KLHL32: variants seen among roughly 807,000 people sequenced by gnomAD.
KLHL32 encodes kelch like family member 32.
Under a neutral mutation model 64.8 loss-of-function variants are expected in KLHL32, and 35 were observed. The ratio of observed to expected loss-of-function variants is 0.54; its 90% CI spans 0.41 to 0.72. The LOEUF (loss-of-function observed/expected upper bound fraction) is 0.72, where lower values mean the gene tolerates loss of function less well. Ranked by LOEUF, KLHL32 falls within the 30% of genes least tolerant of loss-of-function variation. The probability of loss-of-function intolerance (pLI) is 0.00; values close to 1 mark genes in which losing one functional copy is unlikely to be tolerated. For missense variants in KLHL32, 589 were observed against 768.5 expected (o/e 0.77, Z 2.76); for synonymous variants, 259 against 281.0 (o/e 0.92, Z 0.78).
chr6:97,106,020 T>C (rs183027039), intron 6 of KLHL32, among the ~76,000 whole-genome samples: 29 of 152,238 alleles, frequency 1.9e-4, no homozygotes, highest in Non-Finnish European at 5.9e-5. Flanking sequence ...TGGCATTCCT[T>C]TGGGGTCATA....
At chr6:97,137,304 A>ACAT (rs1307764738) in intron 10 of KLHL32, among the ~76,000 whole-genome samples, 2 of 152,220 alleles carry the variant, frequency 1.3e-5, no homozygotes, top group African/African-American at 4.8e-5. Flanking sequence ...GAAAGAAAAT[A>ACAT]CATCAATTAA....
chr6:96,984,817 T>C (rs1241812562), intron 3 of KLHL32, among the ~76,000 whole-genome samples: 1 of 152,216 alleles, frequency 6.6e-6, no homozygotes, highest in Non-Finnish European at 1.5e-5. Flanking sequence ...GGGTCTTGAC[T>C]CTTTATCCAA....
chr6:97,055,879 A>G (rs528879697), intron 4 of KLHL32, among the ~76,000 whole-genome samples: 86 of 149,520 alleles, frequency 5.8e-4, no homozygotes, highest in South Asian at 1.1e-3. Context: ...GACTCTTCTC[A>G]CAGCAGAGCT....
At chr6:97,136,996 A>C (rs1031968950) in intron 10 of KLHL32, among the ~76,000 whole-genome samples, 1 of 152,194 alleles carries the variant, frequency 6.6e-6, no homozygotes, top group African/African-American at 2.4e-5. Context: ...GACCCTGAGA[A>C]AGTCACTTAA....
intron 1 of KLHL32, among the ~76,000 whole-genome samples, chr6:96,960,793 T>C (rs541939689): frequency 1.3e-5 from 2 of 152,344 alleles, no homozygotes; most frequent in Non-Finnish European, 2.9e-5. Context: ...CAGAAGGGTA[T>C]GACAGCTGGA....
chr6:96,991,454 C>T (rs1361415550), intron 3 of KLHL32, among the ~76,000 whole-genome samples: 1 of 151,928 alleles, frequency 6.6e-6, no homozygotes, highest in East Asian at 1.9e-4. Flanking sequence ...AAGGGTGGTA[C>T]CCATCGCAGC....
chr6:97,030,515 T>C (rs571755300), intron 3 of KLHL32, among the ~76,000 whole-genome samples: 4 of 152,330 alleles, frequency 2.6e-5, no homozygotes, highest in African/African-American at 9.6e-5. Flanking sequence ...CAGCACATTA[T>C]CAGCCACAAA....
At chr6:96,911,687 A>G in the KLHL32 span, among the ~76,000 whole-genome samples, 2 of 152,330 alleles carry the variant, frequency 1.3e-5, no homozygotes, top group East Asian at 3.9e-4. Context: ...AAAGCACAAC[A>G]TAAAGTTCAA....
chr6:96,911,639 G>A, the KLHL32 span, among the ~76,000 whole-genome samples: 5 of 152,082 alleles, frequency 3.3e-5, no homozygotes, highest in Non-Finnish European at 7.4e-5. Context: ...CCCAGGGCAA[G>A]TAGCTTTTGA....
intron 3 of KLHL32, among the ~76,000 whole-genome samples, chr6:97,022,985 G>A (rs977728764): frequency 1.3e-5 from 2 of 152,200 alleles, no homozygotes; most frequent in African/African-American, 2.4e-5. Context: ...AGAGAGCAGG[G>A]GAAACTGCCA....
At chr6:96,941,314 A>G (rs1283384138) in intron 1 of KLHL32, among the ~76,000 whole-genome samples, 1 of 152,210 alleles carries the variant, frequency 6.6e-6, no homozygotes, top group East Asian at 1.9e-4. Context: ...ACTTTGAGAA[A>G]TATTCTTACC....
chr6:96,966,023 A>C (rs1166410824), intron 1 of KLHL32, among the ~76,000 whole-genome samples: 1 of 152,236 alleles, frequency 6.6e-6, no homozygotes, highest in African/African-American at 2.4e-5. Flanking sequence ...ACAATATAAC[A>C]AATATTATAT....
intron 7 of KLHL32, among the ~76,000 whole-genome samples, chr6:97,116,035 C>G (rs903014169): frequency 2.0e-5 from 3 of 152,128 alleles, no homozygotes; most frequent in African/African-American, 7.2e-5. Flanking sequence ...TAGTCACAGG[C>G]TCAGCTTCTC....
At chr6:97,138,064 A>ATAGT (rs989582247) in intron 10 of KLHL32, among the ~76,000 whole-genome samples, 5 of 152,240 alleles carry the variant, frequency 3.3e-5, no homozygotes. Flanking sequence ...AAATGTTTAA[A>ATAGT]TAGTTAGAGA....
chr6:96,942,027 A>C (rs1172853208), intron 1 of KLHL32, among the ~76,000 whole-genome samples: 1 of 152,216 alleles, frequency 6.6e-6, no homozygotes, highest in Non-Finnish European at 1.5e-5. Context: ...ATAGTAACTT[A>C]GGTAAGGTCT....
intron 4 of KLHL32, among the ~76,000 whole-genome samples, chr6:97,045,997 C>G (rs1173184914): frequency 1.3e-5 from 2 of 152,230 alleles, no homozygotes; most frequent in Middle Eastern, 3.4e-3. Flanking sequence ...GAAAGAAAAG[C>G]AAGTCCTAGG....
intron 7 of KLHL32, among the ~76,000 whole-genome samples, chr6:97,116,070 A>G (rs1797781030): frequency 1.3e-5 from 2 of 152,162 alleles, no homozygotes; most frequent in African/African-American, 2.4e-5. Flanking sequence ...GTTATTGGCA[A>G]TTCACTGAGT....
At chr6:96,988,849 C>A (rs1777471527) in intron 3 of KLHL32, among the ~76,000 whole-genome samples, 1 of 151,554 alleles carries the variant, frequency 6.6e-6, no homozygotes, top group African/African-American at 2.4e-5. Context: ...CAAACTGTTG[C>A]AAGGACAAAA....
Position 96,984,329 on chromosome 6 carries a change from T to G in KLHL32, c.204+8152T>G, listed in dbSNP as rs145805709. 9.7e-4 allele frequency among the ~76,000 whole-genome samples: 147 copies of G among 152,304 alleles called. 1 individual carries two copies. The highest frequency in any genetic ancestry group is 3.4e-3 in the African/African-American group (142 of 41,536). ...GTGGTCAATTTTGGAATAAGTGCAGTGTGGCACTGAGAAGAATGTATATTC... is the reference window on the plus strand; with the variant it reads ...GTGGTCAATTTTGGAATAAGTGCAGGGTGGCACTGAGAAGAATGTATATTC... On this transcript the variant is annotated intron_variant, in intron 3 of 10. Transcript: ENST00000369261.
Sources: gnomAD v4.1 joint callset for allele counts (sites outside exome capture counted in the v4.1 genomes callset) on GRCh38, gnomAD v4.1.1 for gene constraint, MANE v1.5 for transcripts, NCBI Gene and HGNC (gene_info 2026-07-23, HGNC 2026-07-21) for gene names.